The following NELL2 variants were observed in gnomAD, a reference collection of about 807,000 sequenced individuals.
The protein encoded by NELL2 is protein kinase C-binding protein NELL2.
In NELL2, 41 loss-of-function variants were observed where a neutral mutation model predicts 109.6. The ratio of observed to expected loss-of-function variants is 0.37; its 90% CI spans 0.29 to 0.49. The LOEUF (loss-of-function observed/expected upper bound fraction) is 0.49. NELL2 is among the 20% of genes least tolerant of loss of function. NELL2 has a pLI of 0.98. For synonymous variants in NELL2, 355 were observed against 344.7 expected (o/e 1.03, Z -0.33); for missense variants, 900 against 1,008.3 (o/e 0.89, Z 1.45).
At chr12:44,521,178 AAT>A (rs1333808248) in intron 18 of NELL2, among the ~76,000 whole-genome samples, 1 of 152,324 alleles carries the variant, frequency 6.6e-6, no homozygotes, top group African/African-American at 2.4e-5. Context: ...AAGTTTTATA[AAT>A]ATATAGAGAA....
chr12:44,840,201 C>A (rs1944181075), intron 2 of NELL2, among the ~76,000 whole-genome samples: 1 of 152,136 alleles, frequency 6.6e-6, no homozygotes, highest in Non-Finnish European at 1.5e-5. Context: ...AGGAGGCAGT[C>A]CTAAAGACCC....
rs545966974 is a variant in NELL2 at position 44,732,915 on chromosome 12, G to T, written c.995-18174C>A. The stretch of plus-strand genomic sequence containing the variant: ...TTTGAATAGGCATTTCTCCAAAAAA[G>T]ATATATAAATGGCCAATAGGTATAT... On this transcript the variant is annotated intron_variant, in intron 9 of 19. Coordinates refer to ENST00000429094, the MANE Select transcript of NELL2 (RefSeq NM_001145108.2). 1.3e-3 allele frequency among the ~76,000 whole-genome samples: 202 copies of T among 152,002 alleles called. 2 individuals are homozygous for T. Among genetic ancestry groups the T allele is most frequent in the African/African-American group, 4.5e-3 (186 of 41,508 alleles).
chr12:44,631,152 C>T (rs577055575), intron 13 of NELL2, among the ~76,000 whole-genome samples: 1 of 151,244 alleles, frequency 6.6e-6, no homozygotes, highest in African/African-American at 2.4e-5. Flanking sequence ...AGACTAAGTT[C>T]TTTCAAAATA....
rs552780330 is a variant in NELL2 at position 44,660,934 on chromosome 12, C to T, written c.1444+4550G>A. On this transcript the variant is annotated intron_variant, in intron 13 of 19. Transcript: ENST00000429094. ...TGATGGTTTGGCAATTATCACATTG[C>T]TTCTTTAAAAGTGATGAATTGGCAG... Among the ~76,000 whole-genome samples, 5 of 152,236 alleles carry T rather than the reference C, an allele frequency of 3.3e-5. No homozygotes were observed. The East Asian group carries it at 9.7e-4, about 29-fold the overall frequency.
intron 12 of NELL2, among the ~76,000 whole-genome samples, chr12:44,682,895 A>G (rs1356408726): frequency 6.6e-6 from 1 of 152,096 alleles, no homozygotes; most frequent in African/African-American, 2.4e-5. Flanking sequence ...TTGACATGGC[A>G]ATGCAGGCTC....
rs147841042 is a variant in NELL2 at position 44,562,008 on chromosome 12, T to C, written c.1664-29287A>G. The stretch of plus-strand genomic sequence containing the variant: ...TGGAACAGAACAGAGGCCTCAGAAA[T>C]AACGTCACATATCTGTCAACATTCA... On this transcript the variant is annotated intron_variant, in intron 15 of 19. Transcript: ENST00000429094. Among the ~76,000 whole-genome samples, 701 of 152,100 alleles carry C rather than the reference T, an allele frequency of 4.6e-3. 6 individuals carry two copies. The highest frequency in any genetic ancestry group is 0.016 in the African/African-American group (658 of 41,488).
chr12:44,784,022 G>A (rs1942067728), intron 3 of NELL2, among the ~76,000 whole-genome samples: 1 of 151,956 alleles, frequency 6.6e-6, no homozygotes, highest in South Asian at 2.1e-4. Context: ...TTCAATATTT[G>A]AAAATCAATC....
upstream of NELL2, chr12:44,876,701 C>A: frequency 6.5e-7 from 1 of 1,549,688 alleles, no homozygotes; most frequent in South Asian, 1.2e-5. Context: ...CTCGCCTGCC[C>A]TTTAAGCAAA....
chr12:44,895,854 G>A (rs1945587391), intron 1 of NELL2, among the ~76,000 whole-genome samples: 1 of 152,062 alleles, frequency 6.6e-6, no homozygotes, highest in African/African-American at 2.4e-5. Context: ...TAAAGATGGA[G>A]TGCATAACTG....
chr12:44,732,935 G>T (rs1939445779), intron 9 of NELL2, among the ~76,000 whole-genome samples: 1 of 152,024 alleles, frequency 6.6e-6, no homozygotes, highest in Non-Finnish European at 1.5e-5. Context: ...TGGCCAATAG[G>T]TATATGAATA....
rs375625503 is a variant in NELL2 at position 44,776,896 on chromosome 12, T to G, written c.762+146A>C. On this transcript the variant is annotated intron_variant, in intron 7 of 19. Transcript: ENST00000429094. ...TAGGGTTTTAATATTTATAAGCCTT[T>G]CCTTAAGCAGAGATTTAGATTCAGT... 8.5e-5 allele frequency: 57 copies of G among 670,236 alleles called. 1 individual carries two copies. The South Asian group carries it at 1.0e-3, about 12-fold the overall frequency. The allele number at this position is 670,236 out of a possible 1,614,324, so 41.5% of individuals were successfully genotyped here. A position where few individuals can be genotyped will look rare whatever the true frequency, so the allele number is the denominator to read the frequency against.
At chr12:44,625,136 A>G (rs1946207636) in intron 13 of NELL2, among the ~76,000 whole-genome samples, 1 of 150,948 alleles carries the variant, frequency 6.6e-6, no homozygotes, top group Admixed American at 6.6e-5. Context: ...ACTCTCTGTC[A>G]CTACTTCAGG....
chr12:44,674,474 T>A (rs1457092095), intron 12 of NELL2, among the ~76,000 whole-genome samples: 3 of 152,186 alleles, frequency 2.0e-5, no homozygotes, highest in Non-Finnish European at 2.9e-5. Context: ...TAAGACCTCA[T>A]GTTATTTTGC....
upstream of NELL2, among the ~76,000 whole-genome samples, chr12:44,877,701 C>T (rs1424969046): frequency 6.6e-6 from 1 of 151,572 alleles, no homozygotes; most frequent in Non-Finnish European, 1.5e-5. Context: ...TAGATCTGCC[C>T]TTAGAATTTT....
intron 3 of NELL2, among the ~76,000 whole-genome samples, chr12:44,804,271 A>C (rs560387116): frequency 4.4e-4 from 67 of 152,102 alleles, no homozygotes; most frequent in African/African-American, 1.6e-3. Flanking sequence ...CAAAATGCTC[A>C]GTGAATAAAA....
At chr12:44,648,322 C>T (rs867884527) in intron 13 of NELL2, among the ~76,000 whole-genome samples, 1 of 152,136 alleles carries the variant, frequency 6.6e-6, no homozygotes. Context: ...AAAGCTAAGA[C>T]CTTTAGTTCG....
intron 19 of NELL2, among the ~76,000 whole-genome samples, chr12:44,518,005 T>C (rs551915393): frequency 2.0e-4 from 30 of 152,274 alleles, no homozygotes; most frequent in African/African-American, 7.2e-4. Context: ...ACAAAATAAA[T>C]GTAATAAAAA....
intron 3 of NELL2, among the ~76,000 whole-genome samples, chr12:44,796,880 G>GA (rs1315501553): frequency 2.0e-5 from 3 of 151,772 alleles, no homozygotes; most frequent in Non-Finnish European, 4.4e-5. Context: ...AAAATACAAG[G>GA]AAAAAATGAC....
At position 44,761,259 on chromosome 12, in the gene NELL2, T is replaced by C. The variant is rs112966556; in HGVS notation, c.994+13488A>G. ...GCCGGTAATCCCAGCTTGGGATTAC[T>C]TGGGAGCCTGAGGCAGAAGAATTGC... On this transcript the variant is annotated intron_variant, in intron 9 of 19. Coordinates refer to ENST00000429094, the MANE Select transcript of NELL2 (RefSeq NM_001145108.2). Among the ~76,000 whole-genome samples the C allele has an allele frequency of 3.8e-3, 572 of 152,208 alleles. 5 individuals carry two copies. Among genetic ancestry groups the C allele is most frequent in the African/African-American group, 0.013 (543 of 41,536 alleles).
Sources: allele counts gnomAD v4.1 joint callset (sites outside exome capture counted in the v4.1 genomes callset), GRCh38; gene constraint gnomAD v4.1.1; transcripts MANE v1.5; gene names NCBI Gene and HGNC (gene_info 2026-07-23, HGNC 2026-07-21).